Variants in KIAA0825 observed in about 807,000 individuals in gnomAD.
KIAA0825 encodes the protein uncharacterized protein KIAA0825.
Under a neutral mutation model 147.6 loss-of-function variants are expected in KIAA0825, and 119 were observed. The ratio of observed to expected loss-of-function variants is 0.81; its 90% CI spans 0.69 to 0.94. The LOEUF (loss-of-function observed/expected upper bound fraction) is 0.94, where lower values mean the gene tolerates loss of function less well. Ranked by LOEUF, KIAA0825 falls within the 40% of genes least tolerant of loss-of-function variation. The pLI is 0.00. For missense variants in KIAA0825, 1,381 were observed against 1,472.7 expected (o/e 0.94, Z 1.02); for synonymous variants, 470 against 518.1 (o/e 0.91, Z 1.26).
intron 13 of KIAA0825, among the ~76,000 whole-genome samples, chr5:94,449,244 C>T (rs531488475): frequency 6.6e-6 from 1 of 152,180 alleles, no homozygotes; most frequent in African/African-American, 2.4e-5. Context: ...AGGAAATAAG[C>T]CAGAAAACTC....
chr5:94,192,184 C>T (rs1260470634), intron 20 of KIAA0825, among the ~76,000 whole-genome samples: 2 of 152,228 alleles, frequency 1.3e-5, no homozygotes, highest in African/African-American at 2.4e-5. Flanking sequence ...TCTGTGACAT[C>T]GCTGCCTCTT....
At chr5:94,154,330 T>A (rs1472511616) in intron 20 of KIAA0825, among the ~76,000 whole-genome samples, 1 of 152,100 alleles carries the variant, frequency 6.6e-6, no homozygotes. Flanking sequence ...AAAAGTAGAG[T>A]GAAATCAGCT....
rs1766725057 is a variant in KIAA0825, at chr5:94,153,130, T to C, written c.*877A>G. 6.6e-6 allele frequency: 1 copy of C among 151,352 alleles called. No individual in the cohort carries two copies. The highest frequency in any genetic ancestry group is 2.4e-5 in the African/African-American group (1 of 41,218). The allele number at this position is 151,352 out of a possible 1,614,324, so 9.4% of individuals were successfully genotyped here. A position where few individuals can be genotyped will look rare whatever the true frequency, so the allele number is the denominator to read the frequency against. On this transcript the variant is annotated 3_prime_UTR_variant, in exon 21 of 21. Transcript: ENST00000682413. Reference sequence around the variant, plus strand: ...GCAGTGATAGGAAGGAAATAATAAATATCTATAATTGTCCTTGGCAGAGAG... The same window carrying C: ...GCAGTGATAGGAAGGAAATAATAAACATCTATAATTGTCCTTGGCAGAGAG...
intron 2 of KIAA0825, among the ~76,000 whole-genome samples, chr5:94,572,269 C>T (rs1248257607): frequency 1.3e-5 from 2 of 152,192 alleles, no homozygotes; most frequent in African/African-American, 2.4e-5. Flanking sequence ...ATCACCCAAA[C>T]CTGAAGGAGT....
chr5:94,348,862 A>T (rs1343989649), intron 20 of KIAA0825, among the ~76,000 whole-genome samples: 1 of 152,188 alleles, frequency 6.6e-6, no homozygotes, highest in Admixed American at 6.5e-5. Context: ...GGACCTATAA[A>T]ACAAAAATAC....
chr5:94,495,153 G>A (rs941021849), intron 5 of KIAA0825, among the ~76,000 whole-genome samples: 2 of 152,160 alleles, frequency 1.3e-5, no homozygotes, highest in Non-Finnish European at 2.9e-5. Context: ...AGATAGCCAT[G>A]GTGAAAATAG....
At chr5:94,315,768 A>T (rs886816446) in intron 20 of KIAA0825, among the ~76,000 whole-genome samples, 3 of 151,740 alleles carry the variant, frequency 2.0e-5, no homozygotes, top group Non-Finnish European at 4.4e-5. Context: ...ACAGTTTGAT[A>T]GCTTCAAGGA....
chr5:94,575,259 G>A (rs1264381352), intron 2 of KIAA0825, among the ~76,000 whole-genome samples: 2 of 151,976 alleles, frequency 1.3e-5, no homozygotes, highest in Non-Finnish European at 2.9e-5. Flanking sequence ...GTGTTAAGAT[G>A]GTTTGGTGTG....
At chr5:94,349,361 C>T (rs749170449) in intron 20 of KIAA0825, among the ~76,000 whole-genome samples, 21 of 152,178 alleles carry the variant, frequency 1.4e-4, no homozygotes, top group Non-Finnish European at 7.4e-5. Flanking sequence ...GACTTCAGTA[C>T]TGCACTGACA....
intron 18 of KIAA0825, among the ~76,000 whole-genome samples, chr5:94,388,170 C>T (rs1749425952): frequency 6.6e-6 from 1 of 152,082 alleles, no homozygotes; most frequent in Non-Finnish European, 1.5e-5. Flanking sequence ...AACATAAATC[C>T]CTCAAATGTG....
rs531342045 is a variant in KIAA0825 at position 94,383,827 on chromosome 5, CTT to C, written c.3710+539_3710+540del. Among the ~76,000 whole-genome samples the C allele has an allele frequency of 2.4e-3, 281 of 119,244 alleles. 1 individual carries two copies. The highest frequency in any genetic ancestry group is 9.1e-3 in the African/African-American group (272 of 29,994). The allele number at this position is 119,244 out of a possible 152,430, so 78.2% of individuals were successfully genotyped here. On this transcript the variant is annotated intron_variant, in intron 20 of 20. Coordinates refer to ENST00000682413, the MANE Select transcript of KIAA0825 (RefSeq NM_001145678.3). ...TGTGTGTGTGTGTGTGTGTGTGTAT[CTT>C]TGTGTAAAATAATATGCTACTGTGG...
At chr5:94,333,070 GTTGT>G (rs1290943652) in intron 20 of KIAA0825, among the ~76,000 whole-genome samples, 1 of 152,120 alleles carries the variant, frequency 6.6e-6, no homozygotes, top group East Asian at 1.9e-4. Context: ...TTTTCATGGG[GTTGT>G]TTCTTTTTAT....
At chr5:94,382,120 T>C (rs994692940) in intron 20 of KIAA0825, among the ~76,000 whole-genome samples, 1 of 152,216 alleles carries the variant, frequency 6.6e-6, no homozygotes, top group African/African-American at 2.4e-5. Context: ...ACTCATTTAA[T>C]TGGTGAATTT....
At position 94,287,317 on chromosome 5, in the gene KIAA0825, A is replaced by G. The variant is rs551395878; in HGVS notation, c.3710+97051T>C. Among the ~76,000 whole-genome samples the G allele has an allele frequency of 3.9e-5, 6 of 152,294 alleles. No homozygotes were observed. In the East Asian group the frequency reaches 1.2e-3, roughly 29 times the overall value. ...GACACATCCAAAGGTCTGCAATGCT[A>G]TCTTAAAATATGAAGACAATTAGCA... is the stretch of plus-strand genomic sequence containing the variant. On this transcript the variant is annotated intron_variant, in intron 20 of 20. Coordinates refer to ENST00000682413, the MANE Select transcript of KIAA0825 (RefSeq NM_001145678.3).
intron 9 of KIAA0825, among the ~76,000 whole-genome samples, chr5:94,470,520 C>T (rs968580216): frequency 2.6e-4 from 39 of 152,284 alleles, no homozygotes; most frequent in African/African-American, 8.9e-4. Context: ...CCCACAAACA[C>T]ATTCTTTATT....
intron 20 of KIAA0825, among the ~76,000 whole-genome samples, chr5:94,234,807 C>T (rs1774950335): frequency 6.6e-6 from 1 of 152,162 alleles, no homozygotes; most frequent in African/African-American, 2.4e-5. Flanking sequence ...ACCAGCCTCA[C>T]CTCCAACATT....
chr5:94,532,325 G>GT lies in KIAA0825; in HGVS notation c.131+4670dup, dbSNP rs2151302179. ...ACCACACCAGCTAATTTTTGTTTTT[G>GT]TTTTTTGTAGAGACAGTGTTTCGCC... On this transcript the variant is annotated intron_variant, in intron 3 of 20. Coordinates refer to ENST00000682413, the MANE Select transcript of KIAA0825 (RefSeq NM_001145678.3). Among the ~76,000 whole-genome samples, 2 of 151,708 alleles carry GT rather than the reference G, an allele frequency of 1.3e-5. 1 individual carries two copies. The highest frequency in any genetic ancestry group is 4.2e-4 in the South Asian group (2 of 4,810).
intron 20 of KIAA0825, among the ~76,000 whole-genome samples, chr5:94,257,725 AG>A (rs376077853): frequency 1.1e-3 from 169 of 152,218 alleles, no homozygotes; most frequent in African/African-American, 4.0e-3. Context: ...CGATCATACA[AG>A]GTTAGGAAAT....
chr5:94,529,803 A>G (rs1026487486), intron 3 of KIAA0825, among the ~76,000 whole-genome samples: 5 of 152,208 alleles, frequency 3.3e-5, no homozygotes, highest in African/African-American at 1.2e-4. Flanking sequence ...CTAACTTTAC[A>G]CTAGTTTAAG....
Sources: gnomAD v4.1 joint callset for allele counts (sites outside exome capture counted in the v4.1 genomes callset) on GRCh38, gnomAD v4.1.1 for gene constraint, MANE v1.5 for transcripts, NCBI Gene and HGNC (gene_info 2026-07-23, HGNC 2026-07-21) for gene names.